Variants in DPP6 observed in about 807,000 individuals in gnomAD.
The protein encoded by DPP6 is dipeptidyl peptidase like 6.
DPP6 carries 69 observed loss-of-function variants against 122.6 expected under a neutral mutation model. The observed-to-expected ratio is 0.56, with a 90% CI of 0.46 to 0.69. The LOEUF (loss-of-function observed/expected upper bound fraction) is 0.69. DPP6 is among the 30% of genes least tolerant of loss of function. The probability of loss-of-function intolerance (pLI) is 0.00; values close to 1 mark genes in which losing one functional copy is unlikely to be tolerated. For synonymous variants in DPP6, 418 were observed against 433.1 expected (o/e 0.97, Z 0.43); for missense variants, 928 against 1,116.9 (o/e 0.83, Z 2.41).
At position 154,663,227 on chromosome 7, in the gene DPP6, A is replaced by G. The variant is rs1394363123; in HGVS notation, c.681-6133A>G. Among the ~76,000 whole-genome samples, 12 of 69,702 alleles carry G rather than the reference A, an allele frequency of 1.7e-4. 5 individuals carry two copies. The East Asian group carries it at 5.8e-3, about 34-fold the overall frequency. 45.7% of individuals were successfully genotyped at this position (69,702 alleles called of 152,430 possible). A position where few individuals can be genotyped will look rare whatever the true frequency, so the allele number is the denominator to read the frequency against. On this transcript the variant is annotated intron_variant, in intron 6 of 25. Transcript: ENST00000377770. ...GCATGGTGTATTGGCGCTTGTGTTC[A>G]TATAGTCATGGTGAATCACCATGGC...
At chr7:154,708,863 C>T (rs1351642507) in intron 7 of DPP6, among the ~76,000 whole-genome samples, 1 of 152,044 alleles carries the variant, frequency 6.6e-6, no homozygotes, top group African/African-American at 2.4e-5. Flanking sequence ...GCCTGGCCAC[C>T]ATGGTGAAAC....
intron 17 of DPP6, among the ~76,000 whole-genome samples, chr7:154,862,432 C>A (rs961046465): frequency 6.6e-6 from 1 of 152,232 alleles, no homozygotes; most frequent in African/African-American, 2.4e-5. Context: ...GGAGTGTCTG[C>A]AGATTTGCTG....
At chr7:153,983,602 A>T (rs1585129826) in intron 1 of DPP6, among the ~76,000 whole-genome samples, 1 of 151,652 alleles carries the variant, frequency 6.6e-6, no homozygotes, top group East Asian at 2.0e-4. Flanking sequence ...TATGATAAAA[A>T]ACTCCTCCAG....
At chr7:154,235,606 T>C (rs1486941570) in intron 1 of DPP6, among the ~76,000 whole-genome samples, 2 of 151,734 alleles carry the variant, frequency 1.3e-5, no homozygotes, top group African/African-American at 2.4e-5. Context: ...TTAAAGCCCC[T>C]TTCCACATAG....
chr7:154,345,694 C>T (rs933397236), intron 1 of DPP6, among the ~76,000 whole-genome samples: 33 of 152,296 alleles, frequency 2.2e-4, no homozygotes, highest in Middle Eastern at 3.4e-3. Context: ...GTCAGCTATG[C>T]TTCCCATTCT....
intron 1 of DPP6, among the ~76,000 whole-genome samples, chr7:154,389,519 A>T (rs1012503269): frequency 6.6e-6 from 1 of 152,152 alleles, no homozygotes; most frequent in African/African-American, 2.4e-5. Flanking sequence ...TAATTATTTC[A>T]CTATGGCTTT....
At chr7:154,739,463 G>A (rs959417138) in intron 8 of DPP6, among the ~76,000 whole-genome samples, 1 of 152,198 alleles carries the variant, frequency 6.6e-6, no homozygotes, top group South Asian at 2.1e-4. Flanking sequence ...GGGGGAATGG[G>A]AGTATGGGAG....
chr7:154,804,790 G>A, intron 14 of DPP6, 127 bp from the exon 15 acceptor site: 1 of 1,330,322 alleles, frequency 7.5e-7, no homozygotes, highest in Non-Finnish European at 1.1e-6. Flanking sequence ...ACCTGAACAG[G>A]GGAGCTACTC....
intron 5 of DPP6, among the ~76,000 whole-genome samples, chr7:154,628,771 T>C (rs1221047081): frequency 6.6e-6 from 1 of 152,160 alleles, no homozygotes; most frequent in East Asian, 1.9e-4. Context: ...AGGGGCTTCC[T>C]GGAAGCACAG....
intron 7 of DPP6, among the ~76,000 whole-genome samples, chr7:154,678,598 C>T (rs957171087): frequency 4.0e-4 from 61 of 152,284 alleles, no homozygotes; most frequent in African/African-American, 1.4e-3. Flanking sequence ...ACACTCACCG[C>T]GAGGGTCTGC....
chr7:154,716,814 TTTTG>T lies in DPP6; in HGVS notation c.763-10938_763-10935del, dbSNP rs755655358. On this transcript the variant is annotated intron_variant, in intron 7 of 25. Coordinates refer to ENST00000377770, the MANE Select transcript of DPP6 (RefSeq NM_130797.4). ...CTTATTTAATGTGGTACAGTGTGAT[TTTTG>T]TTTGTTTGTTTGTTGTTATTGTTGC... Among the ~76,000 whole-genome samples, 113 of 151,312 alleles carry T rather than the reference TTTTG, an allele frequency of 7.5e-4. 1 individual carries two copies. In the Middle Eastern group the frequency reaches 0.01, roughly 14 times the overall value.
At chr7:154,598,229 G>A (rs1487380841) in intron 5 of DPP6, among the ~76,000 whole-genome samples, 1 of 152,174 alleles carries the variant, frequency 6.6e-6, no homozygotes, top group Non-Finnish European at 1.5e-5. Flanking sequence ...CGTTTCACAT[G>A]TACACTTAAA....
intron 7 of DPP6, among the ~76,000 whole-genome samples, chr7:154,711,363 C>T (rs955023922): frequency 6.6e-6 from 1 of 152,096 alleles, no homozygotes; most frequent in Non-Finnish European, 1.5e-5. Flanking sequence ...CAGAGCAAGA[C>T]CCCCATCTTA....
chr7:154,200,101 A>C (rs1585614354), intron 1 of DPP6, among the ~76,000 whole-genome samples: 1 of 152,248 alleles, frequency 6.6e-6, no homozygotes, highest in South Asian at 2.1e-4. Context: ...CACGGAACAC[A>C]TACATCGGTC....
chr7:153,964,779 CTCCTTTCCTTTCCTTTCCTTTCCTT>C lies in DPP6; in HGVS notation c.51+77072_51+77096del, dbSNP rs200745389. Among the ~76,000 whole-genome samples, 259 of 114,694 alleles carry C rather than the reference CTCCTTTCCTTTCCTTTCCTTTCCTT, an allele frequency of 2.3e-3. 27 individuals are homozygous for C. Among genetic ancestry groups the C allele is most frequent in the African/African-American group, 0.01 (238 of 23,590 alleles). 75.2% of individuals were successfully genotyped at this position (114,694 alleles called of 152,430 possible). ...TGATGCTCCACATTCTTCTCCGTGGCTCCTTTCCTTTCCTTTCCTTTCCTTTCCTTTCCTTTCCTTTCCTTTCCTT... is the reference window on the plus strand; with the variant it reads ...TGATGCTCCACATTCTTCTCCGTGGCTCCTTTCCTTTCCTTTCCTTTCCTT... On this transcript the variant is annotated intron_variant, in intron 1 of 25. Transcript: ENST00000404039.
At chr7:154,365,950 T>TC (rs1254533995) in intron 1 of DPP6, among the ~76,000 whole-genome samples, 2 of 111,872 alleles carry the variant, frequency 1.8e-5, no homozygotes, top group Admixed American at 2.3e-4. Context: ...AGAGCGAGAC[T>TC]CCGTCTCAAA....
At chr7:154,677,265 G>A (rs1026781600) in intron 7 of DPP6, among the ~76,000 whole-genome samples, 1 of 152,170 alleles carries the variant, frequency 6.6e-6, no homozygotes, top group Admixed American at 6.5e-5. Flanking sequence ...GAGAGAGCGT[G>A]AGCCTTCCTT....
intron 4 of DPP6, among the ~76,000 whole-genome samples, chr7:154,561,975 GC>G (rs775551416): frequency 5.3e-5 from 8 of 152,154 alleles, no homozygotes; most frequent in Admixed American, 2.6e-4. Flanking sequence ...AAAACTCAAG[GC>G]CCAAATTGAT....
chr7:153,965,035 T>C lies in DPP6; in HGVS notation c.51+77301T>C, dbSNP rs559583367. On this transcript the variant is annotated intron_variant, in intron 1 of 25. Coordinates refer to the DPP6 transcript ENST00000404039. ...TCCTTCCTTCCTTCCTTCCTTCCTT[T>C]CTTTCTCTCAGAATTCAGACTTTGG... Among the ~76,000 whole-genome samples, 46 of 135,622 alleles carry C rather than the reference T, an allele frequency of 3.4e-4. 1 individual carries two copies. Among genetic ancestry groups the C allele is most frequent in the African/African-American group, 1.0e-3 (35 of 33,546 alleles). 89.0% of individuals were successfully genotyped at this position (135,622 alleles called of 152,430 possible).
Sources: allele counts gnomAD v4.1 joint callset (sites outside exome capture counted in the v4.1 genomes callset), GRCh38; gene constraint gnomAD v4.1.1; transcripts MANE v1.5; gene names NCBI Gene and HGNC (gene_info 2026-07-23, HGNC 2026-07-21).